Variants in DCP1B observed in about 807,000 individuals in gnomAD.
DCP1B encodes the protein mRNA-decapping enzyme 1B.
A neutral mutation model predicts 60.5 loss-of-function variants in DCP1B; 47 were observed. The ratio of observed to expected loss-of-function variants is 0.78; its 90% CI spans 0.61 to 0.99. The LOEUF (loss-of-function observed/expected upper bound fraction) is 0.99. Among genes scored for constraint, DCP1B ranks in the 50% least tolerant of loss-of-function variants. The pLI is 0.00. For synonymous variants in DCP1B, 267 were observed against 280.3 expected (o/e 0.95, Z 0.47); for missense variants, 725 against 756.8 (o/e 0.96, Z 0.49).
chr12:1,952,253 A>G (rs2030701275), intron 7 of DCP1B, among the ~76,000 whole-genome samples, 163 bp downstream of exon 7: 1 of 151,890 alleles, frequency 6.6e-6, no homozygotes, highest in Non-Finnish European at 1.5e-5. Context: ...GGTTCACTGT[A>G]ACCTCCGCCT....
intron 5 of DCP1B, among the ~76,000 whole-genome samples, chr12:1,957,683 A>C (rs1432144014): frequency 6.6e-6 from 1 of 152,252 alleles, no homozygotes; most frequent in African/African-American, 2.4e-5. Context: ...TTGCATCTCA[A>C]CTAGAAATTG....
At position 1,953,305 on chromosome 12, in the gene DCP1B, T is replaced by A; in HGVS notation, c.652-17A>T. On this transcript the variant is annotated splice_polypyrimidine_tract_variant and intron_variant, in intron 6 of 8. Transcript: ENST00000280665. ...GTCTAAGGTCTGGAAAAAATAAAGATATCTGACATGAGTCTACAAACAATT... is the reference window on the plus strand; with the variant it reads ...GTCTAAGGTCTGGAAAAAATAAAGAAATCTGACATGAGTCTACAAACAATT... 1 of 1,547,766 alleles carries A rather than the reference T, an allele frequency of 6.5e-7. No individual in the cohort carries two copies. Among genetic ancestry groups the A allele is most frequent in the Non-Finnish European group, 8.7e-7 (1 of 1,155,258 alleles).
intron 7 of DCP1B, 119 bp from the exon 8 acceptor site, chr12:1,949,453 A>C: frequency 7.1e-7 from 1 of 1,409,088 alleles, no homozygotes; most frequent in African/African-American, 1.4e-5. Flanking sequence ...CTAGCTGAGA[A>C]AAGTTTATGG....
In DCP1B at chr12:1,962,412, CAG is replaced by C. The variant is rs2154456990; in HGVS notation, c.522+3144_522+3145del. Among the ~76,000 whole-genome samples, 1 of 152,078 alleles carries C rather than the reference CAG, an allele frequency of 6.6e-6. No homozygotes were observed. Among genetic ancestry groups the C allele is most frequent in the Admixed American group, 6.5e-5 (1 of 15,280 alleles). On this transcript the variant is annotated intron_variant, in intron 5 of 8. Transcript: ENST00000280665. The surrounding 1 kb of genome is among the most constrained non-coding windows in gnomAD (Gnocchi z 4.4). ...ATTATAACATATAGAAGATAAAAAA[CAG>C]AAACAATACAAGGTATGTGTGTGTT...
chr12:1,989,843 GATTACTATATGGGAAT>G (rs1303507947), intron 3 of DCP1B, among the ~76,000 whole-genome samples: 1 of 152,212 alleles, frequency 6.6e-6, no homozygotes, highest in African/African-American at 2.4e-5. Flanking sequence ...CACAGTAAGT[GATTACTATATGGGAAT>G]ATTACAAAAG....
chr12:2,003,193 C>T (rs866103813), intron 1 of DCP1B, among the ~76,000 whole-genome samples: 3 of 152,064 alleles, frequency 2.0e-5, no homozygotes, highest in African/African-American at 7.2e-5. Context: ...GAGTTTTTTA[C>T]TACAGGCTGC....
intron 6 of DCP1B, 45 bp from the exon 7 acceptor site, chr12:1,953,333 G>A (rs2030761861): frequency 6.6e-7 from 1 of 1,511,282 alleles, no homozygotes. Context: ...AAACAATTTG[G>A]TTATATGAGG....
chr12:1,955,408 T>C (rs1260809067), intron 6 of DCP1B, 24 bp downstream of exon 6: 1 of 1,606,508 alleles, frequency 6.2e-7, no homozygotes, highest in South Asian at 1.1e-5. Flanking sequence ...ACACACTGAA[T>C]ATGACAAGCA....
chr12:1,970,815 G>A (rs563213794), intron 3 of DCP1B: 153 of 271,954 alleles, frequency 5.6e-4, no homozygotes, highest in African/African-American at 3.2e-3. Context: ...CAGGGAAGAC[G>A]AAAATACAAG....
Position 2,004,268 on chromosome 12 carries a change from G to A in DCP1B, c.150+14C>T. 6.2e-7 allele frequency: 1 copy of A among 1,612,682 alleles called. No individual in the cohort carries two copies. The highest frequency in any genetic ancestry group is 8.5e-7 in the Non-Finnish European group (1 of 1,179,746). On this transcript the variant is annotated intron_variant, in intron 1 of 8. Transcript: ENST00000280665. Reference sequence around the variant, plus strand: ...CAACCCTGGGCTGCACTGCTCCGCCGCGTCCGCACGCACCCACTCGTTGGC... The same window carrying A: ...CAACCCTGGGCTGCACTGCTCCGCCACGTCCGCACGCACCCACTCGTTGGC...
chr12:1,950,197 C>G (rs1167288168), intron 7 of DCP1B: 4 of 611,224 alleles, frequency 6.5e-6, no homozygotes, highest in Non-Finnish European at 1.2e-5. Context: ...CCCTTAGCGT[C>G]TCTTTGAGCA....
chr12:1,949,278 G>A lies in DCP1B; in HGVS notation c.1581C>T (p.Pro527=). The change falls in exon 8 of 9, where the codon CCC becomes CCT. Residue 527 remains proline (P), a synonymous_variant. Coordinates refer to ENST00000280665, the MANE Select transcript of DCP1B (RefSeq NM_152640.5). ...CGGAGGTGGGTTGTGCGAACACCAT[G>A]GGGGACATAAGCAGAGACGGAGCTG... ...ATAAPSLLMS[P]MVFAQPTSVP... 6.2e-7 allele frequency: 1 copy of A among 1,614,142 alleles called. No homozygotes were observed. The highest frequency in any genetic ancestry group is 1.1e-5 in the South Asian group (1 of 91,088).
At chr12:1,957,528 C>A (rs1390393274) in intron 5 of DCP1B, among the ~76,000 whole-genome samples, 1 of 152,158 alleles carries the variant, frequency 6.6e-6, no homozygotes, top group African/African-American at 2.4e-5. Flanking sequence ...ACAGCTATAT[C>A]CAGAAAAGAG....
chr12:1,949,485 G>T, intron 7 of DCP1B, 151 bp from the exon 8 acceptor site: 1 of 1,083,018 alleles, frequency 9.2e-7, no homozygotes, highest in Non-Finnish European at 1.3e-6. Flanking sequence ...TTGCTCCACT[G>T]CTCCATGCAC....
At chr12:1,950,208 A>G (rs1467251575) in intron 7 of DCP1B, 2 of 616,488 alleles carry the variant, frequency 3.2e-6, no homozygotes, top group African/African-American at 3.7e-5. Flanking sequence ...TCTTTGAGCA[A>G]AAGTTGGCCT....
At chr12:1,989,189 G>T (rs1046762253) in intron 3 of DCP1B, among the ~76,000 whole-genome samples, 1 of 152,118 alleles carries the variant, frequency 6.6e-6, no homozygotes, top group Non-Finnish European at 1.5e-5. Flanking sequence ...TTTGAAACCA[G>T]CCTGGGAAAC....
Position 1,949,283 on chromosome 12 carries a change from A to C in DCP1B, c.1576T>G (p.Ser526Ala). Residue 526 changes from serine (S) to alanine (A), a missense_variant, in exon 8 of 9, where the codon TCC becomes GCC. Transcript: ENST00000280665. ...GTGGGTTGTGCGAACACCATGGGGG[A>C]CATAAGCAGAGACGGAGCTGCTGTA... ...PATAAPSLLM[S>A]PMVFAQPTSV... 6.2e-7 allele frequency: 1 copy of C among 1,614,078 alleles called. No individual in the cohort carries two copies. The highest frequency in any genetic ancestry group is 8.5e-7 in the Non-Finnish European group (1 of 1,180,016).
At chr12:1,953,427 A>G in intron 6 of DCP1B, 139 bp from the exon 7 acceptor site, 1 of 1,108,426 alleles carries the variant, frequency 9.0e-7, no homozygotes, top group Non-Finnish European at 1.2e-6. Flanking sequence ...ATAATAATAA[A>G]CTTGAAAAAT....
At chr12:1,989,248 G>T (rs2038697853) in intron 3 of DCP1B, among the ~76,000 whole-genome samples, 1 of 152,166 alleles carries the variant, frequency 6.6e-6, no homozygotes, top group East Asian at 1.9e-4. Context: ...ATCTGGATAT[G>T]GCGGTTTAGC....
Sources: allele counts gnomAD v4.1 joint callset (sites outside exome capture counted in the v4.1 genomes callset), GRCh38; gene constraint gnomAD v4.1.1; non-coding constraint Gnocchi (gnomAD v3.1); transcripts MANE v1.5; gene names NCBI Gene and HGNC (gene_info 2026-07-23, HGNC 2026-07-21).